Variants in POLR3A observed in about 807,000 individuals in gnomAD.
POLR3A encodes the protein DNA-directed RNA polymerase III subunit RPC1.
A neutral mutation model predicts 152.8 loss-of-function variants in POLR3A; 112 were observed. That is an observed-to-expected ratio of 0.73 (90% confidence interval 0.63 to 0.86). POLR3A has a LOEUF of 0.86. POLR3A is among the 40% of genes least tolerant of loss of function. POLR3A has a pLI of 0.00. For synonymous variants in POLR3A, 615 were observed against 652.1 expected, an observed-to-expected ratio of 0.94 and a Z score of 0.87; for missense variants, 1,385 against 1,743.1, an observed-to-expected ratio of 0.79 and a Z score of 3.66.
In POLR3A at chr10:78,029,370, T is replaced by G. The variant is rs1847668869; in HGVS notation, c.38A>C (p.Lys13Thr). The change falls in exon 1 of 31, where the codon AAG (lysine) becomes ACG (threonine). Residue 13 changes from lysine (K) to threonine (T), a missense_variant. Coordinates refer to ENST00000372371, the MANE Select transcript of POLR3A (RefSeq NM_007055.4). ...CACTCTTACTCCGTCTTACATTTTC[T>G]TGGCCACATCCGTCTCCCGGAACTG... The part of the protein sequence containing the change: ...KEQFRETDVA[K>T]KISHICFGMK... The G allele has an allele frequency of 1.2e-6, 2 of 1,614,060 alleles. No homozygotes were observed. The highest frequency in any genetic ancestry group is 2.2e-5 in the South Asian group (2 of 91,090).
intron 19 of POLR3A, among the ~76,000 whole-genome samples, chr10:77,996,084 G>T (rs1025357755): frequency 4.6e-5 from 7 of 152,002 alleles, no homozygotes; most frequent in Non-Finnish European, 1.0e-4. Flanking sequence ...TGAAATGAAG[G>T]CAGAAATAAA....
In POLR3A at chr10:77,993,208, C is replaced by A. The variant is rs143722794; in HGVS notation, c.2776G>T (p.Asp926Tyr). 1 of 1,613,244 alleles carries A rather than the reference C, an allele frequency of 6.2e-7. No homozygotes were observed. Among genetic ancestry groups the A allele is most frequent in the South Asian group, 1.1e-5 (1 of 91,060 alleles). Residue 926 changes from aspartate (D) to tyrosine (Y), a missense_variant, in exon 20 of 31, where the codon GAC (aspartate) becomes TAC (tyrosine). Asp to Tyr is a radical substitution (Grantham distance 160). Transcript: ENST00000372371. The stretch of plus-strand genomic sequence containing the variant: ...ATGCTAAATCTTACTTTGATGTTGT[C>A]CAGAACCCTTTTAAACTCCAAAGGT... ...DEPLEFKRVL[D>Y]NIKAVFPCPS...
In POLR3A at chr10:78,024,699, G is replaced by C. The variant is rs150057980; in HGVS notation, c.495C>G (p.Thr165=). 26 of 1,612,336 alleles carry C rather than the reference G, an allele frequency of 1.6e-5. No individual in the cohort carries two copies. The highest frequency in any genetic ancestry group is 1.7e-4 in the Middle Eastern group (1 of 6,054). The part of the protein sequence containing the change: ...ICHHCGAFNG[T]VKKCGLLKII... ...TTTTCAGCAGTCCACACTTCTTTAC[G>C]GTACCTATAAGGGTTAGTTTATTTA... The change falls in exon 5 of 31, where the codon ACC becomes ACG. Residue 165 remains threonine, a synonymous_variant. Transcript: ENST00000372371.
At chr10:77,983,607 C>T (rs1471368931) in intron 26 of POLR3A, among the ~76,000 whole-genome samples, 2 of 152,208 alleles carry the variant, frequency 1.3e-5, no homozygotes, top group Non-Finnish European at 2.9e-5. Context: ...ACACAGCCAG[C>T]CCTAGGGTCC....
intron 21 of POLR3A, among the ~76,000 whole-genome samples, chr10:77,990,407 T>C (rs981451259): frequency 7.2e-5 from 11 of 151,862 alleles, no homozygotes; most frequent in African/African-American, 2.7e-4. Context: ...GAGGGAAGAG[T>C]TGGCTCACAA....
chr10:77,978,683 C>T (rs1473908739), intron 30 of POLR3A, among the ~76,000 whole-genome samples: 4 of 141,282 alleles, frequency 2.8e-5, no homozygotes, highest in Non-Finnish European at 4.5e-5. Flanking sequence ...TTTTTTGAGA[C>T]GGAGTCCTGC....
In POLR3A at chr10:78,026,088, C is replaced by A. The variant is rs757744763; in HGVS notation, c.180+6G>T. The A allele has an allele frequency of 6.2e-7, 1 of 1,613,980 alleles. No individual in the cohort carries two copies. The highest frequency in any genetic ancestry group is 8.5e-7 in the Non-Finnish European group (1 of 1,179,924). On this transcript the variant is annotated splice_donor_region_variant and intron_variant, in intron 2 of 30. Transcript: ENST00000372371. ...ACAGTTACCAGGAGGGGTGAGGGGG[C>A]CTTACCATCCTATGGTCGAGCACCC...
At chr10:78,024,848 G>A in intron 4 of POLR3A, 123 bp downstream of exon 4, 1 of 1,373,176 alleles carries the variant, frequency 7.3e-7, no homozygotes, top group Non-Finnish European at 1.0e-6. Flanking sequence ...TCAGTTGTTG[G>A]GCTCTTAAGC....
chr10:78,004,664 G>A (rs372635482), intron 16 of POLR3A, 52 bp downstream of exon 16: 46 of 1,445,262 alleles, frequency 3.2e-5, no homozygotes, highest in African/African-American at 2.0e-4. Flanking sequence ...GAGCACCACC[G>A]TAGCCACTGT....
At position 78,024,705 on chromosome 10, in the gene POLR3A, T is replaced by G. The variant is rs886041636; in HGVS notation, c.491-2A>C. On this transcript the variant is annotated splice_acceptor_variant, in intron 4 of 30. Transcript: ENST00000372371. LOFTEE classifies it high-confidence loss of function. ...GCAGTCCACACTTCTTTACGGTACC[T>G]ATAAGGGTTAGTTTATTTACCAAGA... The G allele has an allele frequency of 3.1e-6, 5 of 1,601,732 alleles. No individual in the cohort carries two copies. The highest frequency in any genetic ancestry group is 4.3e-6 in the Non-Finnish European group (5 of 1,168,756).
At chr10:77,986,199 A>G in intron 21 of POLR3A, 40 bp from the exon 22 acceptor site, 1 of 964,762 alleles carries the variant, frequency 1.0e-6, no homozygotes, top group Non-Finnish European at 1.7e-6. Context: ...TAAGTTTCAC[A>G]GTCATGCAGA....
chr10:78,023,857 G>T (rs1847604048), intron 5 of POLR3A, among the ~76,000 whole-genome samples: 1 of 151,830 alleles, frequency 6.6e-6, no homozygotes, highest in African/African-American at 2.4e-5. Flanking sequence ...CAAACAAGGG[G>T]CCAGGAATGG....
At chr10:78,018,424 G>A (rs11002374) in intron 9 of POLR3A, among the ~76,000 whole-genome samples, 1 of 151,510 alleles carries the variant, frequency 6.6e-6, no homozygotes, top group Non-Finnish European at 1.5e-5. Flanking sequence ...GCTTGAACCT[G>A]GGAGGTGGAG....
At chr10:78,017,938 C>T (rs966358682) in intron 9 of POLR3A, among the ~76,000 whole-genome samples, 9 of 152,026 alleles carry the variant, frequency 5.9e-5, no homozygotes, top group Non-Finnish European at 1.5e-5. Context: ...CTTTGGGAGG[C>T]TGAGATGGGC....
intron 27 of POLR3A, 112 bp from the exon 28 acceptor site, chr10:77,982,430 GT>G: frequency 9.2e-7 from 1 of 1,089,046 alleles, no homozygotes; most frequent in Non-Finnish European, 1.4e-6. Flanking sequence ...ACTAGAGCTA[GT>G]TTTAGGGATA....
At chr10:77,998,111 T>C (rs1464644825) in intron 19 of POLR3A, among the ~76,000 whole-genome samples, 1 of 152,206 alleles carries the variant, frequency 6.6e-6, no homozygotes, top group Non-Finnish European at 1.5e-5. Flanking sequence ...TGTAGAAAGC[T>C]GAAACTGGAT....
chr10:77,981,598 G>A (rs530657224), intron 28 of POLR3A, 39 bp from the exon 29 acceptor site: 31 of 1,612,060 alleles, frequency 1.9e-5, no homozygotes, highest in Admixed American at 1.2e-4. Context: ...AGCCCCTTCC[G>A]GGAGGCCACT....
At chr10:78,019,554 T>C (rs1393697294) in intron 8 of POLR3A, 4 of 458,074 alleles carry the variant, frequency 8.7e-6, no homozygotes, top group Non-Finnish European at 1.6e-5. Flanking sequence ...GACTGATCTA[T>C]AGGAACCTTC....
At chr10:78,022,119 C>T (rs1377196228) in intron 6 of POLR3A, 26 bp downstream of exon 6, 1 of 1,614,172 alleles carries the variant, frequency 6.2e-7, no homozygotes, top group East Asian at 2.2e-5. Flanking sequence ...TACTATGAAA[C>T]TTACAAGGAA....
Sources: gnomAD v4.1 joint callset for allele counts (sites outside exome capture counted in the v4.1 genomes callset) on GRCh38, gnomAD v4.1.1 for gene constraint, MANE v1.5 for transcripts, NCBI Gene and HGNC (gene_info 2026-07-23, HGNC 2026-07-21) for gene names.